LINC00632: variants seen among roughly 807,000 people sequenced by gnomAD.
LINC00632 encodes ALDOA related specific transcript.
exon 5 of LINC00632, among the ~76,000 whole-genome samples, chrX:140,779,898 G>A (rs1654667175): frequency 9.0e-6 from 1 of 111,368 alleles, no homozygotes; most frequent in Non-Finnish European, 1.9e-5. Context: ...GCTCTGGGCT[G>A]GGGGCACCCT....
At chrX:140,765,079 A>T (rs1054708831) in intron 3 of LINC00632, among the ~76,000 whole-genome samples, 1 of 111,916 alleles carries the variant, frequency 8.9e-6, no homozygotes, top group Non-Finnish European at 1.9e-5. Flanking sequence ...AAGCTAGATA[A>T]GAAATATTAA....
exon 5 of LINC00632, among the ~76,000 whole-genome samples, chrX:140,786,140 A>C (rs1932015470): frequency 8.9e-6 from 1 of 112,251 alleles, no homozygotes; most frequent in African/African-American, 3.2e-5. Flanking sequence ...TAAAGATTTA[A>C]AATCCTCTAT....
At chrX:140,781,729 T>G (rs1931937003) in exon 5 of LINC00632, among the ~76,000 whole-genome samples, 1 of 111,811 alleles carries the variant, frequency 8.9e-6, no homozygotes, top group Non-Finnish European at 1.9e-5. Context: ...GAGCAGGGCA[T>G]AGCAAACTAA....
At chrX:140,720,065 C>T (rs185949247) in intron 2 of LINC00632, among the ~76,000 whole-genome samples, 1,276 of 102,134 alleles carry the variant, frequency 0.012, 23 homozygotes, top group African/African-American at 0.044. Flanking sequence ...CCAGCCTGGG[C>T]GACAGAGCAA....
intron 2 of LINC00632, among the ~76,000 whole-genome samples, chrX:140,724,172 TAC>T (rs1200377582): frequency 3.1e-4 from 6 of 19,629 alleles, no homozygotes; most frequent in Non-Finnish European, 7.0e-4. Context: ...TCCATACACA[TAC>T]ACAGACACAT....
At chrX:140,732,049 C>T (rs1476781541) in intron 2 of LINC00632, among the ~76,000 whole-genome samples, 4 of 110,605 alleles carry the variant, frequency 3.6e-5, no homozygotes, top group Non-Finnish European at 7.6e-5. Context: ...ACTAAAAATT[C>T]AAAAATTAGC....
chrX:140,741,156 C>G (rs1277500475), intron 3 of LINC00632, among the ~76,000 whole-genome samples: 1 of 111,991 alleles, frequency 8.9e-6, no homozygotes, highest in African/African-American at 3.2e-5. Flanking sequence ...AATTGAAATT[C>G]CAGTGAAAGT....
At chrX:140,717,428 A>G (rs1280802696) in intron 2 of LINC00632, among the ~76,000 whole-genome samples, 1 of 110,800 alleles carries the variant, frequency 9.0e-6, no homozygotes, top group South Asian at 3.9e-4. Flanking sequence ...TAATACCTAG[A>G]TAAGTCCTAA....
intron 2 of LINC00632, among the ~76,000 whole-genome samples, chrX:140,715,881 A>G (rs1177144655): frequency 1.8e-5 from 2 of 111,520 alleles, no homozygotes; most frequent in African/African-American, 3.3e-5. Flanking sequence ...ACTGAGACTC[A>G]CCCTAAATGT....
intron 3 of LINC00632, among the ~76,000 whole-genome samples, chrX:140,750,367 T>C (rs1931392357): frequency 9.0e-6 from 1 of 110,571 alleles, no homozygotes; most frequent in Non-Finnish European, 1.9e-5. Flanking sequence ...TGAATAACAA[T>C]ATATTGTATT....
At chrX:140,777,508 C>G (rs12010780) in exon 5 of LINC00632, among the ~76,000 whole-genome samples, 3,399 of 112,122 alleles carry the variant, frequency 0.03, 128 homozygotes, top group African/African-American at 0.1. Context: ...TGATAGAAAG[C>G]GTTGAAAAAT....
chrX:140,716,804 C>CACAG (rs1556019594), intron 2 of LINC00632, among the ~76,000 whole-genome samples: 2 of 109,021 alleles, frequency 1.8e-5, no homozygotes, highest in African/African-American at 6.8e-5. Flanking sequence ...CACACACACA[C>CACAG]ACACACACAC....
chrX:140,722,215 GAATT>G (rs1030803302), intron 2 of LINC00632, among the ~76,000 whole-genome samples: 1 of 110,479 alleles, frequency 9.1e-6, no homozygotes, highest in African/African-American at 3.3e-5. Flanking sequence ...CGATAAGATA[GAATT>G]AATACCCGCA....
intron 3 of LINC00632, among the ~76,000 whole-genome samples, chrX:140,752,465 C>T (rs1569353173): frequency 5.4e-5 from 6 of 111,625 alleles, no homozygotes. Flanking sequence ...CTGTGCAAGC[C>T]CCATGGTAAA....
intron 3 of LINC00632, among the ~76,000 whole-genome samples, chrX:140,770,280 C>T (rs762693233): frequency 4.5e-5 from 5 of 112,160 alleles, no homozygotes; most frequent in Non-Finnish European, 5.6e-5. Context: ...GCTGATAAAA[C>T]AGCATGTGGT....
At chrX:140,736,588 C>T (rs979323133) in intron 3 of LINC00632, among the ~76,000 whole-genome samples, 1 of 107,638 alleles carries the variant, frequency 9.3e-6, no homozygotes, top group Non-Finnish European at 1.9e-5. Context: ...AGGTGCCCTC[C>T]ATCACGCCCA....
chrX:140,728,148 G>A (rs765127288), intron 2 of LINC00632, among the ~76,000 whole-genome samples: 2 of 109,412 alleles, frequency 1.8e-5, no homozygotes, highest in Admixed American at 2.0e-4. Context: ...GCTGAGGCAG[G>A]AGACTCACTT....
At chrX:140,759,589 G>C (rs1266955481) in intron 3 of LINC00632, among the ~76,000 whole-genome samples, 2 of 109,961 alleles carry the variant, frequency 1.8e-5, no homozygotes, top group Non-Finnish European at 3.8e-5. Flanking sequence ...TCAAACTCCT[G>C]GACTCAAGTG....
At chrX:140,771,762 C>T (rs1236813210) in intron 3 of LINC00632, among the ~76,000 whole-genome samples, 1 of 101,866 alleles carries the variant, frequency 9.8e-6, no homozygotes, top group Non-Finnish European at 2.0e-5. Flanking sequence ...TCACTGCAAC[C>T]TCTGCCCCCT....
Sources: gnomAD v4.1 joint callset for allele counts (sites outside exome capture counted in the v4.1 genomes callset) on GRCh38, gnomAD v4.1.1 for gene constraint, MANE v1.5 for transcripts, NCBI Gene and HGNC (gene_info 2026-07-23, HGNC 2026-07-21) for gene names.